The following KCNH1 variants were observed in gnomAD, a reference collection of about 807,000 sequenced individuals.
KCNH1 encodes the protein voltage-gated delayed rectifier potassium channel KCNH1.
Under a neutral mutation model 69.2 loss-of-function variants are expected in KCNH1, and 27 were observed. The observed-to-expected ratio is 0.39, with a 90% CI of 0.29 to 0.54. The LOEUF (loss-of-function observed/expected upper bound fraction) is 0.54. Among genes scored for constraint, KCNH1 ranks in the 20% least tolerant of loss-of-function variants. The pLI is 0.68. For synonymous variants in KCNH1, 456 were observed against 487.7 expected (o/e 0.93, Z 0.86); for missense variants, 798 against 1,261.6 (o/e 0.63, Z 5.57).
chr1:211,029,076 T>C (rs1378299780), intron 5 of KCNH1, among the ~76,000 whole-genome samples: 3 of 150,678 alleles, frequency 2.0e-5, no homozygotes, highest in African/African-American at 7.3e-5. Context: ...CAGGCCTGTG[T>C]TCCCAGTGCT....
chr1:210,996,176 A>C (rs1689032119), intron 6 of KCNH1, among the ~76,000 whole-genome samples: 1 of 152,216 alleles, frequency 6.6e-6, no homozygotes, highest in South Asian at 2.1e-4. Context: ...GAGCCGAAGC[A>C]GGGTGAGGCA....
intron 6 of KCNH1, among the ~76,000 whole-genome samples, chr1:211,000,899 A>G (rs1689164411): frequency 6.6e-6 from 1 of 152,214 alleles, no homozygotes; most frequent in Non-Finnish European, 1.5e-5. Flanking sequence ...CCTGACAAAA[A>G]CAAGAAATGG....
intron 1 of KCNH1, among the ~76,000 whole-genome samples, chr1:211,125,670 T>C (rs1183580737): frequency 1.3e-5 from 2 of 152,230 alleles, no homozygotes; most frequent in African/African-American, 4.8e-5. Context: ...GTGGAGGATG[T>C]CTACATCGTT....
intron 7 of KCNH1, among the ~76,000 whole-genome samples, chr1:210,808,326 G>A (rs1394814513): frequency 2.6e-5 from 4 of 152,074 alleles, no homozygotes; most frequent in African/African-American, 9.7e-5. Context: ...AGTAAGAATA[G>A]CTCTTTTGTC....
At chr1:210,887,968 C>A (rs977677064) in intron 7 of KCNH1, among the ~76,000 whole-genome samples, 6 of 152,094 alleles carry the variant, frequency 3.9e-5, no homozygotes, top group Non-Finnish European at 8.8e-5. Context: ...TAGTGGGAGA[C>A]TTTAACACCC....
At chr1:211,002,026 TG>T (rs1235601786) in intron 6 of KCNH1, among the ~76,000 whole-genome samples, 7 of 80,120 alleles carry the variant, frequency 8.7e-5, no homozygotes, top group African/African-American at 1.1e-4. Flanking sequence ...GTGGGGGGAG[TG>T]GGGGGGGATA....
intron 10 of KCNH1, among the ~76,000 whole-genome samples, chr1:210,693,058 T>G (rs542838349): frequency 6.6e-6 from 1 of 152,252 alleles, no homozygotes; most frequent in East Asian, 1.9e-4. Flanking sequence ...GTATTCACCC[T>G]CATGCAGCTG....
chr1:210,790,064 G>A (rs1684183556), intron 9 of KCNH1, among the ~76,000 whole-genome samples: 1 of 152,166 alleles, frequency 6.6e-6, no homozygotes, highest in African/African-American at 2.4e-5. Flanking sequence ...TGGGGCCATG[G>A]GCAGAAGCCA....
intron 7 of KCNH1, among the ~76,000 whole-genome samples, chr1:210,806,770 G>A (rs2102409540): frequency 7.4e-6 from 1 of 135,344 alleles, no homozygotes; most frequent in South Asian, 2.5e-4. Context: ...AGGAGTTCGA[G>A]ACCAGCCTGG....
At chr1:210,700,180 AATT>A (rs1321002019) in intron 10 of KCNH1, among the ~76,000 whole-genome samples, 8 of 152,230 alleles carry the variant, frequency 5.3e-5, no homozygotes, top group African/African-American at 1.7e-4. Flanking sequence ...TGGTTGCAAC[AATT>A]ATTATACTGC....
intron 6 of KCNH1, among the ~76,000 whole-genome samples, chr1:210,935,337 G>A (rs1687758693): frequency 6.6e-6 from 1 of 152,078 alleles, no homozygotes; most frequent in Non-Finnish European, 1.5e-5. Flanking sequence ...GAAGTAGAGA[G>A]CAAAAATAAC....
At chr1:210,978,747 T>G (rs905395537) in intron 6 of KCNH1, among the ~76,000 whole-genome samples, 1 of 152,202 alleles carries the variant, frequency 6.6e-6, no homozygotes, top group Non-Finnish European at 1.5e-5. Flanking sequence ...TGTGTCTACA[T>G]AGGTTGGCAG....
chr1:210,887,662 A>G (rs956566475), intron 7 of KCNH1, among the ~76,000 whole-genome samples: 8 of 151,362 alleles, frequency 5.3e-5, no homozygotes, highest in African/African-American at 1.9e-4. Context: ...CTCATGTGCA[A>G]AGATGCACAT....
intron 5 of KCNH1, among the ~76,000 whole-genome samples, chr1:211,077,655 T>C (rs1023994974): frequency 1.3e-5 from 2 of 152,060 alleles, no homozygotes; most frequent in African/African-American, 2.4e-5. Context: ...TGCAAAAACA[T>C]ACCAAATTGT....
chr1:210,867,995 TA>T (rs1175794991), intron 7 of KCNH1, among the ~76,000 whole-genome samples: 1 of 152,058 alleles, frequency 6.6e-6, no homozygotes, highest in Non-Finnish European at 1.5e-5. Context: ...TGTGTGAACA[TA>T]TGTTTTCACT....
At chr1:210,788,089 A>C (rs1684136398) in intron 9 of KCNH1, among the ~76,000 whole-genome samples, 1 of 152,252 alleles carries the variant, frequency 6.6e-6, no homozygotes, top group Admixed American at 6.5e-5. Context: ...AAAGCAGGTG[A>C]TAATTTTCCA....
intron 7 of KCNH1, among the ~76,000 whole-genome samples, chr1:210,879,959 G>A (rs1469931893): frequency 3.9e-5 from 6 of 152,124 alleles, no homozygotes; most frequent in Non-Finnish European, 8.8e-5. Flanking sequence ...TGAACAGGTG[G>A]AATTTGAAAT....
At chr1:211,035,233 ATTCTTTTT>A (rs1689872933) in intron 5 of KCNH1, among the ~76,000 whole-genome samples, 1 of 104,784 alleles carries the variant, frequency 9.5e-6, no homozygotes, top group Non-Finnish European at 1.9e-5. Context: ...GGGTACTGGC[ATTCTTTTT>A]TTTTTTTTTT....
chr1:210,918,588 C>G (rs996095462), intron 7 of KCNH1, among the ~76,000 whole-genome samples: 11 of 152,184 alleles, frequency 7.2e-5, no homozygotes, highest in African/African-American at 1.9e-4. Context: ...AGCTATACAA[C>G]AGTCAGTGGG....
Sources: gnomAD v4.1 joint callset for allele counts (sites outside exome capture counted in the v4.1 genomes callset) on GRCh38, gnomAD v4.1.1 for gene constraint, MANE v1.5 for transcripts, NCBI Gene and HGNC (gene_info 2026-07-23, HGNC 2026-07-21) for gene names.